KCNB2: variants seen among roughly 807,000 people sequenced by gnomAD.
The protein encoded by KCNB2 is potassium voltage-gated channel subfamily B member 2.
In KCNB2, 15 loss-of-function variants were observed where a neutral mutation model predicts 61.5. That is an observed-to-expected ratio of 0.24 (90% CI 0.16 to 0.38). The LOEUF (loss-of-function observed/expected upper bound fraction) is 0.38, where lower values mean the gene tolerates loss of function less well. Ranked by LOEUF, KCNB2 falls within the 10% of genes least tolerant of loss-of-function variation. The pLI, the probability that KCNB2 is intolerant of heterozygous loss-of-function variation, is 1.00. For synonymous variants in KCNB2, 457 were observed against 446.0 expected, an observed-to-expected ratio of 1.02 and a Z score of -0.31; for missense variants, 828 against 1,125.2, an observed-to-expected ratio of 0.74 and a Z score of 3.78.
chr8:72,678,688 A>T (rs1355794421), intron 2 of KCNB2, among the ~76,000 whole-genome samples: 1 of 152,212 alleles, frequency 6.6e-6, no homozygotes, highest in Non-Finnish European at 1.5e-5. Flanking sequence ...ACACTGAAAG[A>T]TTTATGACGT....
chr8:72,853,431 C>CT (rs577100425), intron 2 of KCNB2, among the ~76,000 whole-genome samples: 211 of 152,298 alleles, frequency 1.4e-3, no homozygotes, highest in South Asian at 5.8e-3. Context: ...GCTTTTTCCC[C>CT]TTGCACCATC....
chr8:72,888,929 C>G (rs576196201), intron 2 of KCNB2, among the ~76,000 whole-genome samples: 1 of 152,280 alleles, frequency 6.6e-6, no homozygotes, highest in East Asian at 1.9e-4. Context: ...TGCTACTGCT[C>G]TTATGAAATT....
intron 2 of KCNB2, among the ~76,000 whole-genome samples, chr8:72,631,243 A>G (rs1489092421): frequency 1.3e-5 from 2 of 152,162 alleles, no homozygotes; most frequent in Admixed American, 1.3e-4. Flanking sequence ...TGTAACACAA[A>G]CTAAGAGCCT....
At chr8:72,922,673 C>T (rs1265014362) in intron 2 of KCNB2, among the ~76,000 whole-genome samples, 1 of 152,130 alleles carries the variant, frequency 6.6e-6, no homozygotes, top group Non-Finnish European at 1.5e-5. Flanking sequence ...CCCAAAAGGC[C>T]CCACCTCTTA....
At chr8:72,561,855 T>G (rs1192782092) in intron 1 of KCNB2, among the ~76,000 whole-genome samples, 1 of 145,578 alleles carries the variant, frequency 6.9e-6, no homozygotes, top group African/African-American at 2.5e-5. Flanking sequence ...ATTAGTAAAT[T>G]TTGGAGGTGC....
chr8:72,558,537 T>C, intron 1 of KCNB2, among the ~76,000 whole-genome samples: 1 of 152,182 alleles, frequency 6.6e-6, no homozygotes, highest in South Asian at 2.1e-4. Context: ...GGAAGTCATA[T>C]TGAATTTGGG....
At chr8:72,590,220 T>C (rs995714644) in intron 2 of KCNB2, among the ~76,000 whole-genome samples, 2 of 152,144 alleles carry the variant, frequency 1.3e-5, no homozygotes, top group African/African-American at 2.4e-5. Context: ...CCTTTTTAGG[T>C]ATCATGTGGT....
chr8:72,563,922 A>G (rs1806584066), intron 1 of KCNB2, among the ~76,000 whole-genome samples: 1 of 152,222 alleles, frequency 6.6e-6, no homozygotes, highest in African/African-American at 2.4e-5. Flanking sequence ...GGTAACAATA[A>G]TAAGAGCAGA....
chr8:72,719,540 G>A (rs975350219), intron 2 of KCNB2, among the ~76,000 whole-genome samples: 5 of 151,838 alleles, frequency 3.3e-5, no homozygotes, highest in Non-Finnish European at 7.4e-5. Flanking sequence ...AGTGGCTAGC[G>A]TTTTCATATG....
At chr8:72,742,377 T>C (rs2128994673) in intron 2 of KCNB2, among the ~76,000 whole-genome samples, 1 of 152,300 alleles carries the variant, frequency 6.6e-6, no homozygotes, top group African/African-American at 2.4e-5. Flanking sequence ...AAAAACAGTT[T>C]AGCTAGGTAG....
chr8:72,782,896 G>C (rs1039692250), intron 2 of KCNB2, among the ~76,000 whole-genome samples: 2 of 151,880 alleles, frequency 1.3e-5, no homozygotes, highest in Non-Finnish European at 2.9e-5. Flanking sequence ...ACAAGCTTTA[G>C]TTTAAGAACC....
At chr8:72,697,010 A>G (rs1807028559) in intron 2 of KCNB2, among the ~76,000 whole-genome samples, 1 of 152,224 alleles carries the variant, frequency 6.6e-6, no homozygotes, top group Non-Finnish European at 1.5e-5. Flanking sequence ...ACTAAAAAGT[A>G]TCGATCACAG....
chr8:72,859,006 T>C (rs2129003876), intron 2 of KCNB2, among the ~76,000 whole-genome samples: 1 of 152,286 alleles, frequency 6.6e-6, no homozygotes, highest in South Asian at 2.1e-4. Context: ...TTACACAAAT[T>C]CTAAGATGAT....
intron 2 of KCNB2, among the ~76,000 whole-genome samples, chr8:72,931,743 G>A (rs1457043446): frequency 1.3e-5 from 2 of 152,170 alleles, no homozygotes; most frequent in African/African-American, 2.4e-5. Flanking sequence ...GGGGCATGGT[G>A]ACTTATGCCT....
chr8:72,851,888 A>ATTG (rs946162127), intron 2 of KCNB2, among the ~76,000 whole-genome samples: 1 of 140,054 alleles, frequency 7.1e-6, no homozygotes, highest in Non-Finnish European at 1.5e-5. Flanking sequence ...TACTGTCATT[A>ATTG]CAGGTTCCTG....
chr8:72,649,514 G>A (rs1315377005), intron 2 of KCNB2, among the ~76,000 whole-genome samples: 1 of 152,044 alleles, frequency 6.6e-6, no homozygotes, highest in Non-Finnish European at 1.5e-5. Context: ...GTGATGAGAT[G>A]AACTGTACCC....
chr8:72,765,146 A>T (rs1808441780), intron 2 of KCNB2, among the ~76,000 whole-genome samples: 1 of 152,168 alleles, frequency 6.6e-6, no homozygotes, highest in South Asian at 2.1e-4. Flanking sequence ...ATGATGCCCT[A>T]AACTTTCACT....
At chr8:72,710,524 A>C (rs1450781304) in intron 2 of KCNB2, among the ~76,000 whole-genome samples, 1 of 152,148 alleles carries the variant, frequency 6.6e-6, no homozygotes, top group African/African-American at 2.4e-5. Context: ...GTTGAGGAAG[A>C]GCAAAAACTA....
chr8:72,898,684 G>C (rs1806032411), intron 2 of KCNB2, among the ~76,000 whole-genome samples: 1 of 151,962 alleles, frequency 6.6e-6, no homozygotes, highest in African/African-American at 2.4e-5. Flanking sequence ...TTTTATCTTA[G>C]ATACTGGGGC....
Sources: gnomAD v4.1 joint callset for allele counts (sites outside exome capture counted in the v4.1 genomes callset) on GRCh38, gnomAD v4.1.1 for gene constraint, MANE v1.5 for transcripts, NCBI Gene and HGNC (gene_info 2026-07-23, HGNC 2026-07-21) for gene names.